Variants in BCO1 observed in about 807,000 individuals in gnomAD.
BCO1 encodes the protein beta,beta-carotene 15,15'-dioxygenase.
Under a neutral mutation model 56.3 loss-of-function variants are expected in BCO1, and 54 were observed. The ratio of observed to expected loss-of-function variants is 0.96; its 90% CI spans 0.77 to 1.20. BCO1 has a LOEUF of 1.20. Among genes scored for constraint, BCO1 ranks in the 50% most tolerant of loss-of-function variants. BCO1 has a pLI of 0.00. For synonymous variants in BCO1, 318 were observed against 266.1 expected, an observed-to-expected ratio of 1.20 and a Z score of -1.90; for missense variants, 801 against 690.9, an observed-to-expected ratio of 1.16 and a Z score of -1.79.
At chr16:81,262,364 C>T (rs1906542439) in intron 4 of BCO1, 81 bp downstream of exon 4, 1 of 1,495,306 alleles carries the variant, frequency 6.7e-7, no homozygotes, top group Non-Finnish European at 9.3e-7. Context: ...GGTTGCTCAG[C>T]CTGCAAGCAG....
At chr16:81,285,388 A>C in intron 8 of BCO1, 152 bp from the exon 9 acceptor site, 1 of 672,890 alleles carries the variant, frequency 1.5e-6, no homozygotes, top group Non-Finnish European at 2.7e-6. Flanking sequence ...CCTGCCTTTG[A>C]CCACCTTTGA....
intron 10 of BCO1, among the ~76,000 whole-genome samples, chr16:81,288,324 A>G (rs546008300): frequency 6.6e-6 from 1 of 152,170 alleles, no homozygotes; most frequent in African/African-American, 2.4e-5. Flanking sequence ...GTGTAGTGGC[A>G]TGATCATAGC....
chr16:81,262,878 C>T (rs1906582828), intron 4 of BCO1: 1 of 151,200 alleles, frequency 6.6e-6, no homozygotes, highest in Non-Finnish European at 1.4e-5. Flanking sequence ...AATAAAAAAA[C>T]AGAAATTTAC....
At chr16:81,260,618 C>T (rs1359500119) in intron 3 of BCO1, among the ~76,000 whole-genome samples, 1 of 152,208 alleles carries the variant, frequency 6.6e-6, no homozygotes, top group African/African-American at 2.4e-5. Context: ...AAGTGATTCT[C>T]CTGCCTCAGC....
At chr16:81,243,172 C>T (rs1026962589) in intron 1 of BCO1, among the ~76,000 whole-genome samples, 1 of 152,084 alleles carries the variant, frequency 6.6e-6, no homozygotes, top group South Asian at 2.1e-4. Context: ...GATGGTTGCG[C>T]AACATTGTGA....
chr16:81,273,251 G>A (rs1368601228), intron 7 of BCO1, among the ~76,000 whole-genome samples: 1 of 152,142 alleles, frequency 6.6e-6, no homozygotes, highest in Non-Finnish European at 1.5e-5. Flanking sequence ...CCAAAGTGCT[G>A]AGATTACAGG....
chr16:81,261,933 G>C, intron 3 of BCO1: 1 of 547,412 alleles, frequency 1.8e-6, no homozygotes, highest in Non-Finnish European at 3.3e-6. Context: ...TAGTACAGAC[G>C]GGGTTTCACC....
chr16:81,262,405 T>C (rs1906545023), intron 4 of BCO1, 122 bp downstream of exon 4: 1 of 1,032,644 alleles, frequency 9.7e-7, no homozygotes, highest in Non-Finnish European at 1.5e-6. Flanking sequence ...TCTAACACCG[T>C]TGGATCCCGT....
intron 1 of BCO1, among the ~76,000 whole-genome samples, chr16:81,240,362 A>G (rs548283207): frequency 5.9e-5 from 9 of 152,026 alleles, no homozygotes; most frequent in African/African-American, 1.9e-4. Context: ...TTACATTTTT[A>G]TTTTTTTTCT....
Position 81,273,143 on chromosome 16 carries a change from G to A in BCO1, c.1101+2727G>A, listed in dbSNP as rs140555521. ...TGCCAGCACACACAGCTCATTTTTT[G>A]TTTGTTTGTTTGTATTTTTAGTAGA... On this transcript the variant is annotated intron_variant, in intron 7 of 10. Transcript: ENST00000258168. Among the ~76,000 whole-genome samples the A allele has an allele frequency of 2.0e-3, 298 of 152,120 alleles. 2 individuals are homozygous for A. The highest frequency in any genetic ancestry group is 6.6e-3 in the African/African-American group (273 of 41,508).
chr16:81,245,982 C>T (rs554762158), intron 2 of BCO1, among the ~76,000 whole-genome samples: 1 of 151,352 alleles, frequency 6.6e-6, no homozygotes, highest in African/African-American at 2.4e-5. Flanking sequence ...CCTGCCTCAG[C>T]CTCCTGAGTA....
intron 1 of BCO1, among the ~76,000 whole-genome samples, chr16:81,243,871 G>C (rs1905247390): frequency 6.6e-6 from 1 of 152,244 alleles, no homozygotes; most frequent in African/African-American, 2.4e-5. Flanking sequence ...GGAACTCAGG[G>C]AAACAGAGAG....
intron 2 of BCO1, among the ~76,000 whole-genome samples, chr16:81,251,850 ACG>A (rs201263544): frequency 4.2e-5 from 6 of 143,684 alleles, no homozygotes; most frequent in African/African-American, 1.4e-4. Flanking sequence ...ACACACACAC[ACG>A]CACACACACA....
chr16:81,287,619 C>G (rs1908259767), intron 10 of BCO1, among the ~76,000 whole-genome samples: 1 of 152,166 alleles, frequency 6.6e-6, no homozygotes, highest in Non-Finnish European at 1.5e-5. Context: ...TGAGGGTCCC[C>G]AAGATAGCCT....
chr16:81,258,292 T>C (rs1174722404), intron 2 of BCO1, among the ~76,000 whole-genome samples: 1 of 152,190 alleles, frequency 6.6e-6, no homozygotes. Context: ...AACCATCTGG[T>C]ATATTTTGAG....
intron 2 of BCO1, among the ~76,000 whole-genome samples, chr16:81,255,708 T>C (rs1906090918): frequency 6.6e-6 from 1 of 152,084 alleles, no homozygotes; most frequent in Non-Finnish European, 1.5e-5. Flanking sequence ...GGTTTCACCG[T>C]ATAGGCCAGG....
rs141803701 is a variant in BCO1 at position 81,289,933 on chromosome 16, C to G, written c.1415-415C>G. 2.5e-3 allele frequency among the ~76,000 whole-genome samples: 381 copies of G among 152,288 alleles called. 2 individuals are homozygous for G. Among genetic ancestry groups the G allele is most frequent in the African/African-American group, 8.8e-3 (365 of 41,558 alleles). On this transcript the variant is annotated intron_variant, in intron 10 of 10. Transcript: ENST00000258168. Reference sequence around the variant, plus strand: ...AGGCTGGAATGCAATGGCACGATCTCGGCTCACCGCAACCTCCACTCCCAG... The same window carrying G: ...AGGCTGGAATGCAATGGCACGATCTGGGCTCACCGCAACCTCCACTCCCAG...
At chr16:81,261,531 T>G (rs1330267140) in intron 3 of BCO1, among the ~76,000 whole-genome samples, 1 of 152,202 alleles carries the variant, frequency 6.6e-6, no homozygotes, top group Non-Finnish European at 1.5e-5. Flanking sequence ...CTTCTTGACA[T>G]ACTTTGGAAC....
rs34671497 is a variant in BCO1, at chr16:81,277,065, C to CAAA, written c.1102-3775_1102-3773dup. Reference sequence around the variant, plus strand: ...TGGATGACAGAGTGAGACTCGGTCTCAAAAAAAAAAAAAAAAAAAGTAAAA... The same window carrying CAAA: ...TGGATGACAGAGTGAGACTCGGTCTCAAAAAAAAAAAAAAAAAAAAAAGTAAAA... On this transcript the variant is annotated intron_variant, in intron 7 of 10. Transcript: ENST00000258168. 5.4e-4 allele frequency among the ~76,000 whole-genome samples: 51 copies of CAAA among 95,270 alleles called. 2 individuals carry two copies. Among genetic ancestry groups the CAAA allele is most frequent in the African/African-American group, 1.7e-3 (40 of 23,756 alleles). The allele number at this position is 95,270 out of a possible 152,430, so 62.5% of individuals were successfully genotyped here.
Sources: gnomAD v4.1 joint callset for allele counts (sites outside exome capture counted in the v4.1 genomes callset) on GRCh38, gnomAD v4.1.1 for gene constraint, MANE v1.5 for transcripts, NCBI Gene and HGNC (gene_info 2026-07-23, HGNC 2026-07-21) for gene names.